The following ZFHX3 variants were observed in gnomAD, a reference collection of about 807,000 sequenced individuals.
The protein encoded by ZFHX3 is zinc finger homeobox 3.
In ZFHX3, 42 loss-of-function variants were observed where a neutral mutation model predicts 279.1. That is an observed-to-expected ratio of 0.15 (90% CI 0.12 to 0.19). The LOEUF is 0.19. ZFHX3 is among the 10% of genes least tolerant of loss of function. ZFHX3 has a pLI of 1.00. For missense variants in ZFHX3, 4,981 were observed against 4,754.0 expected, an observed-to-expected ratio of 1.05 and a Z score of -1.40; for synonymous variants, 2,293 against 1,957.8, an observed-to-expected ratio of 1.17 and a Z score of -4.52.
rs565486138 is a variant in ZFHX3 at position 73,534,326 on chromosome 16, C to T, written c.-1546-78068G>A. 1.1e-4 allele frequency among the ~76,000 whole-genome samples: 16 copies of T among 152,298 alleles called. No homozygotes were observed. The South Asian group carries it at 3.1e-3, about 30-fold the overall frequency. On this transcript the variant is annotated intron_variant, in intron 2 of 17. Transcript: ENST00000641206. ...TGCTTTCGCCTCCTTCAACTCTTTGCTTAAATATCCTCTCAATGAGTTCTA... is the reference window on the plus strand; with the variant it reads ...TGCTTTCGCCTCCTTCAACTCTTTGTTTAAATATCCTCTCAATGAGTTCTA...
intron 3 of ZFHX3, among the ~76,000 whole-genome samples, chr16:72,930,090 C>T (rs1247153169): frequency 7.2e-5 from 11 of 152,074 alleles, no homozygotes; most frequent in African/African-American, 2.4e-4. Context: ...TGGTGGCGGG[C>T]GCCTGTAATC....
chr16:73,622,869 G>T (rs558109933), intron 2 of ZFHX3, among the ~76,000 whole-genome samples: 1 of 152,300 alleles, frequency 6.6e-6, no homozygotes, highest in Non-Finnish European at 1.5e-5. Flanking sequence ...CATCTTTCCT[G>T]TCTTGTCTTG....
At chr16:73,698,184 A>AG (rs768102016) in intron 1 of ZFHX3, among the ~76,000 whole-genome samples, 4 of 152,188 alleles carry the variant, frequency 2.6e-5, no homozygotes, top group African/African-American at 4.8e-5. Context: ...GAACAATTTG[A>AG]GAAAAAAAAA....
chr16:72,804,223 T>C (rs1179554479), intron 7 of ZFHX3, among the ~76,000 whole-genome samples: 1 of 152,106 alleles, frequency 6.6e-6, no homozygotes, highest in Non-Finnish European at 1.5e-5. Context: ...TGAAAAGGAG[T>C]AGCCTTGAGA....
At chr16:73,884,450 G>T (rs564210365) in intron 1 of ZFHX3, among the ~76,000 whole-genome samples, 2 of 152,302 alleles carry the variant, frequency 1.3e-5, no homozygotes, top group African/African-American at 4.8e-5. Context: ...GGAGTGTGGA[G>T]GCCATGCCAT....
chr16:72,787,663 A>G lies in ZFHX3; in HGVS notation c.10613T>C (p.Leu3538Pro). 6.4e-7 allele frequency: 1 copy of G among 1,573,700 alleles called. No homozygotes were observed. Among genetic ancestry groups the G allele is most frequent in the Non-Finnish European group, 8.6e-7 (1 of 1,159,598 alleles). ...SYHCLACESA[L>P]CGEEALSQHL... ...TTGACTCAGAGCTTCCTCCCCACAGAGCGCGCTCTCGCACGCCAGGCAGTG... is the reference window on the plus strand; with the variant it reads ...TTGACTCAGAGCTTCCTCCCCACAGGGCGCGCTCTCGCACGCCAGGCAGTG... The change falls in exon 10 of 10, where the codon CTC (leucine) becomes CCC (proline). Residue 3538 changes from leucine to proline, a missense_variant. This residue lies in a region of ZFHX3 where 1,034 missense variants were observed against 786.0 expected (regional missense o/e 1.32). Transcript: ENST00000268489.
At chr16:73,786,997 C>A (rs1017642868) in intron 1 of ZFHX3, among the ~76,000 whole-genome samples, 4 of 152,194 alleles carry the variant, frequency 2.6e-5, no homozygotes, top group African/African-American at 7.2e-5. Flanking sequence ...CAGTTACCAT[C>A]AGTCCAGCTT....
intron 2 of ZFHX3, among the ~76,000 whole-genome samples, chr16:73,534,184 C>T (rs1366468810): frequency 6.6e-6 from 1 of 152,132 alleles, no homozygotes; most frequent in African/African-American, 2.4e-5. Context: ...CAGCTCCAGC[C>T]ATGGTGAATT....
At chr16:73,580,901 C>T (rs1056153667) in intron 2 of ZFHX3, among the ~76,000 whole-genome samples, 1 of 151,810 alleles carries the variant, frequency 6.6e-6, no homozygotes, top group African/African-American at 2.4e-5. Context: ...CCTGGCACAA[C>T]AAGATATCTT....
intron 5 of ZFHX3, among the ~76,000 whole-genome samples, chr16:73,181,085 GTTTTGTTTTGTTTTGT>G (rs1320361089): frequency 7.8e-6 from 1 of 127,558 alleles, no homozygotes; most frequent in Admixed American, 7.4e-5. Flanking sequence ...TTGTTTGTTT[GTTTTGTTTTGTTTTGT>G]TTTGTTTTGT....
At chr16:73,607,589 C>A (rs1292361126) in intron 2 of ZFHX3, among the ~76,000 whole-genome samples, 2 of 151,988 alleles carry the variant, frequency 1.3e-5, no homozygotes, top group Non-Finnish European at 1.5e-5. Context: ...TTTGAAGATC[C>A]AACGAGGGAA....
chr16:73,452,076 C>T (rs1000596548), intron 3 of ZFHX3, among the ~76,000 whole-genome samples: 6 of 152,162 alleles, frequency 3.9e-5, no homozygotes, highest in African/African-American at 1.4e-4. Context: ...ACATGGGAAT[C>T]AGTGGGAGAG....
intron 1 of ZFHX3, among the ~76,000 whole-genome samples, chr16:73,716,495 A>C (rs750374115): frequency 6.6e-6 from 1 of 152,116 alleles, no homozygotes; most frequent in Admixed American, 6.5e-5. Flanking sequence ...AGGATTTTCT[A>C]GGGTTTCTAG....
At chr16:73,566,673 A>G (rs825702) in intron 2 of ZFHX3, among the ~76,000 whole-genome samples, 104,301 of 148,252 alleles carry the variant, frequency 0.7, 37,475 homozygotes, top group African/African-American at 0.84. Context: ...GGTGCAGACC[A>G]TCACACCAAG....
chr16:72,883,398 C>G (rs2038544749), intron 4 of ZFHX3, among the ~76,000 whole-genome samples: 1 of 152,180 alleles, frequency 6.6e-6, no homozygotes, highest in South Asian at 2.1e-4. Flanking sequence ...CTGCTAAAAT[C>G]TCTATCAACA....
intron 1 of ZFHX3, among the ~76,000 whole-genome samples, chr16:73,725,903 TA>T (rs1346220814): frequency 6.6e-6 from 1 of 152,150 alleles, no homozygotes; most frequent in Non-Finnish European, 1.5e-5. Flanking sequence ...GCCACAGCAT[TA>T]TGGGGAAAGG....
intron 1 of ZFHX3, among the ~76,000 whole-genome samples, chr16:73,714,396 C>T (rs1261184512): frequency 6.6e-6 from 1 of 152,138 alleles, no homozygotes; most frequent in Non-Finnish European, 1.5e-5. Context: ...GGTTAGGGGA[C>T]TCCATTTGCC....
At chr16:72,858,126 C>T (rs796220554) in intron 4 of ZFHX3, among the ~76,000 whole-genome samples, 15 of 152,358 alleles carry the variant, frequency 9.8e-5, no homozygotes, top group African/African-American at 3.6e-4. Context: ...GCCCCCATCC[C>T]ATACCCTAAA....
chr16:73,150,206 G>T (rs565325728), intron 5 of ZFHX3, among the ~76,000 whole-genome samples: 1 of 152,314 alleles, frequency 6.6e-6, no homozygotes, highest in South Asian at 2.1e-4. Flanking sequence ...GGTTCAGGTT[G>T]TCCAGACCAA....
Sources: allele counts gnomAD v4.1 joint callset (sites outside exome capture counted in the v4.1 genomes callset), GRCh38; gene constraint gnomAD v4.1.1; regional missense constraint gnomAD v4.1.1; transcripts MANE v1.5; gene names NCBI Gene and HGNC (gene_info 2026-07-23, HGNC 2026-07-21).